Variants in SLC14A2 observed in about 807,000 individuals in gnomAD.
SLC14A2 encodes solute carrier family 14 member 2.
A neutral mutation model predicts 104.6 loss-of-function variants in SLC14A2; 91 were observed. The observed-to-expected ratio is 0.87, with a 90% CI of 0.73 to 1.04. The LOEUF (loss-of-function observed/expected upper bound fraction) is 1.04. Among genes scored for constraint, SLC14A2 ranks in the 50% least tolerant of loss-of-function variants. SLC14A2 has a pLI of 0.00. For synonymous variants in SLC14A2, 476 were observed against 466.4 expected (o/e 1.02, Z -0.27); for missense variants, 1,189 against 1,156.0 (o/e 1.03, Z -0.41).
intron 1 of SLC14A2, among the ~76,000 whole-genome samples, chr18:45,311,732 T>C (rs1488817983): frequency 1.8e-4 from 27 of 152,206 alleles, no homozygotes; most frequent in Admixed American, 1.8e-3. Context: ...TGGGTTCTGA[T>C]AAGCCAACAT....
At chr18:45,524,297 C>T (rs2144815820) in intron 2 of SLC14A2, among the ~76,000 whole-genome samples, 1 of 152,368 alleles carries the variant, frequency 6.6e-6, no homozygotes, top group East Asian at 1.9e-4. Flanking sequence ...CAACAAGTGT[C>T]TGGCTACCCA....
At chr18:45,291,159 A>G (rs185082981) in intron 1 of SLC14A2, among the ~76,000 whole-genome samples, 1 of 152,298 alleles carries the variant, frequency 6.6e-6, no homozygotes, top group Non-Finnish European at 1.5e-5. Flanking sequence ...AAAACACAAA[A>G]CAATTACTAC....
intron 2 of SLC14A2, among the ~76,000 whole-genome samples, chr18:45,505,793 C>T (rs1250472873): frequency 3.3e-5 from 5 of 152,184 alleles, no homozygotes; most frequent in South Asian, 2.1e-4. Flanking sequence ...TTGTATGAGC[C>T]GATGTTTGTG....
upstream of SLC14A2, among the ~76,000 whole-genome samples, chr18:45,209,760 G>A (rs552256745): frequency 6.6e-6 from 1 of 152,232 alleles, no homozygotes; most frequent in Non-Finnish European, 1.5e-5. Context: ...AAAGAATCGA[G>A]ACAGCTATTT....
At chr18:45,609,450 GCA>G (rs750598857) in intron 2 of SLC14A2, among the ~76,000 whole-genome samples, 4 of 151,980 alleles carry the variant, frequency 2.6e-5, no homozygotes, top group African/African-American at 4.8e-5. Flanking sequence ...CTTTGGTAAT[GCA>G]CAGTTATTAT....
intron 2 of SLC14A2, among the ~76,000 whole-genome samples, chr18:45,501,789 A>G (rs922079262): frequency 1.3e-4 from 20 of 152,334 alleles, no homozygotes; most frequent in African/African-American, 4.1e-4. Context: ...GCAGAGCTAC[A>G]TCTTCCCATG....
At chr18:45,170,559 C>T in the SLC14A2 span, among the ~76,000 whole-genome samples, 1 of 152,158 alleles carries the variant, frequency 6.6e-6, no homozygotes, top group Non-Finnish European at 1.5e-5. Context: ...CAGTGTCCTG[C>T]AAGACAGAAA....
At chr18:45,431,934 A>G (rs912050872) in intron 1 of SLC14A2, among the ~76,000 whole-genome samples, 8 of 152,170 alleles carry the variant, frequency 5.3e-5, no homozygotes, top group Non-Finnish European at 7.3e-5. Context: ...TGTGCTTCCA[A>G]CAGTCTCTTT....
intron 1 of SLC14A2, among the ~76,000 whole-genome samples, chr18:45,616,724 G>A (rs1171436314): frequency 1.3e-5 from 2 of 152,172 alleles, no homozygotes; most frequent in Non-Finnish European, 2.9e-5. Context: ...GAATGCAAGA[G>A]GCAATAAATA....
chr18:45,568,632 C>A (rs1259368413), intron 2 of SLC14A2, among the ~76,000 whole-genome samples: 2 of 152,214 alleles, frequency 1.3e-5, no homozygotes, highest in East Asian at 3.8e-4. Flanking sequence ...GTACCAGCAA[C>A]ATTCAAGAAG....
At chr18:45,230,341 T>C (rs1183244900) in intron 1 of SLC14A2, among the ~76,000 whole-genome samples, 1 of 152,204 alleles carries the variant, frequency 6.6e-6, no homozygotes, top group Non-Finnish European at 1.5e-5. Context: ...CGGCAGTGTT[T>C]TGGGGGGCTT....
intron 1 of SLC14A2, among the ~76,000 whole-genome samples, chr18:45,373,318 T>C (rs1014297465): frequency 2.6e-5 from 4 of 152,220 alleles, no homozygotes; most frequent in Non-Finnish European, 5.9e-5. Context: ...TCTAGCATAG[T>C]TGCTGCATTG....
At chr18:45,668,206 G>A in intron 14 of SLC14A2, 143 bp from the exon 15 acceptor site, 2 of 1,211,570 alleles carry the variant, frequency 1.7e-6, no homozygotes, top group South Asian at 1.5e-5. Context: ...TCATAGGGTT[G>A]TCTTCCTTCC....
rs916994710 is a variant in SLC14A2 at position 45,258,715 on chromosome 18, C to T, written c.-125+45524C>T. On this transcript the variant is annotated intron_variant, in intron 1 of 20. Coordinates refer to the SLC14A2 transcript ENST00000586448. ...TCTTATTTTCCAGTAACGTCATCCA[C>T]GTGGTCCTTTGCAGTTTGTAAATGC... Among the ~76,000 whole-genome samples the T allele has an allele frequency of 1.3e-4, 18 of 143,164 alleles. 3 individuals are homozygous for T. The highest frequency in any genetic ancestry group is 3.8e-4 in the African/African-American group (14 of 36,388). 93.9% of individuals were successfully genotyped at this position (143,164 alleles called of 152,430 possible).
chr18:45,649,331 C>T (rs530726121), intron 10 of SLC14A2, among the ~76,000 whole-genome samples: 1 of 152,338 alleles, frequency 6.6e-6, no homozygotes, highest in African/African-American at 2.4e-5. Context: ...TTCTCCTCCC[C>T]AGCGCCCCAG....
chr18:45,257,305 A>G (rs1391487166), intron 1 of SLC14A2, among the ~76,000 whole-genome samples: 3 of 152,334 alleles, frequency 2.0e-5, no homozygotes, highest in Non-Finnish European at 4.4e-5. Context: ...GGAGTTTTAG[A>G]TAAATTCACA....
chr18:45,349,592 GCA>G (rs1598707416), intron 1 of SLC14A2, among the ~76,000 whole-genome samples: 2 of 152,182 alleles, frequency 1.3e-5, no homozygotes, highest in East Asian at 3.9e-4. Context: ...TCCCCATGTT[GCA>G]CTGGGCAATT....
chr18:45,382,573 A>ATTTCT (rs2085851027), intron 1 of SLC14A2, among the ~76,000 whole-genome samples: 1 of 152,172 alleles, frequency 6.6e-6, no homozygotes, highest in South Asian at 2.1e-4. Flanking sequence ...AGAATAAGGG[A>ATTTCT]TTTCCTATCC....
intron 2 of SLC14A2, among the ~76,000 whole-genome samples, chr18:45,518,045 A>T (rs1207445945): frequency 6.6e-6 from 1 of 151,638 alleles, no homozygotes; most frequent in Admixed American, 6.5e-5. Context: ...ATAACTAATA[A>T]TTAACACAAC....
Sources: gnomAD v4.1 joint callset for allele counts (sites outside exome capture counted in the v4.1 genomes callset) on GRCh38, gnomAD v4.1.1 for gene constraint, MANE v1.5 for transcripts, NCBI Gene and HGNC (gene_info 2026-07-23, HGNC 2026-07-21) for gene names.